Variants in SMG6 observed in about 807,000 individuals in gnomAD.
The protein encoded by SMG6 is SMG6 nonsense mediated mRNA decay factor, also known as telomerase-binding protein EST1A.
In SMG6, 66 loss-of-function variants were observed where a neutral mutation model predicts 142.2. That is an observed-to-expected ratio of 0.46 (90% CI 0.38 to 0.57). SMG6 has a LOEUF of 0.57. Among genes scored for constraint, SMG6 ranks in the 20% least tolerant of loss-of-function variants. The pLI, the probability that SMG6 is intolerant of heterozygous loss-of-function variation, is 0.00. For synonymous variants in SMG6, 779 were observed against 702.4 expected, an observed-to-expected ratio of 1.11 and a Z score of -1.72; for missense variants, 1,793 against 1,832.0, an observed-to-expected ratio of 0.98 and a Z score of 0.39.
chr17:2,184,704 C>A (rs1475126666), intron 12 of SMG6, among the ~76,000 whole-genome samples: 1 of 146,976 alleles, frequency 6.8e-6, no homozygotes, highest in Non-Finnish European at 1.5e-5. Context: ...GGTTCATGCG[C>A]CTGTAATCCC....
At chr17:2,280,123 G>C (rs1023879587) in intron 8 of SMG6, among the ~76,000 whole-genome samples, 1 of 152,100 alleles carries the variant, frequency 6.6e-6, no homozygotes, top group Non-Finnish European at 1.5e-5. Flanking sequence ...CCAAGGAACA[G>C]AGAAAGCAAG....
chr17:2,221,499 T>C lies in SMG6; in HGVS notation c.2869+14993A>G, dbSNP rs147275944. Among the ~76,000 whole-genome samples the C allele has an allele frequency of 1.3e-3, 196 of 152,288 alleles. 1 individual carries two copies. Among genetic ancestry groups the C allele is most frequent in the African/African-American group, 4.3e-3 (179 of 41,558 alleles). Reference sequence around the variant, plus strand: ...CAATTAAACTTCTTTTCTTTATAAATTACCCAGCCTCAGGTATGTCTTTAT... The same window carrying C: ...CAATTAAACTTCTTTTCTTTATAAACTACCCAGCCTCAGGTATGTCTTTAT... On this transcript the variant is annotated intron_variant, in intron 10 of 18. Coordinates refer to ENST00000263073, the MANE Select transcript of SMG6 (RefSeq NM_017575.5).
At chr17:2,098,877 C>T (rs566702707) in intron 13 of SMG6, among the ~76,000 whole-genome samples, 4 of 152,018 alleles carry the variant, frequency 2.6e-5, no homozygotes, top group Admixed American at 6.5e-5. Context: ...GTGATCCACC[C>T]GCCTCAGCCT....
rs142201292 is a variant in SMG6 at position 2,188,505 on chromosome 17, C to T, written c.2880G>A (p.Ser960=). 3.9e-5 allele frequency: 63 copies of T among 1,613,766 alleles called. No homozygotes were observed. In the African/African-American group the frequency reaches 5.5e-4, roughly 14 times the overall value. Residue 960 remains serine, a synonymous_variant, in exon 11 of 19, where the codon TCG becomes TCA. Coordinates refer to ENST00000263073, the MANE Select transcript of SMG6 (RefSeq NM_017575.5). The part of the protein sequence containing the change: ...VHNSQLKDCF[S]EECRSVIQEQ... ...CCTGGATCACAGAGCGGCACTCCTC[C>T]GAGAAGCAGTCTGCGGACAGGCAAA...
At chr17:2,227,148 C>T (rs2073342913) in intron 10 of SMG6, among the ~76,000 whole-genome samples, 1 of 152,200 alleles carries the variant, frequency 6.6e-6, no homozygotes, top group African/African-American at 2.4e-5. Flanking sequence ...GGTCCAACCA[C>T]CACAGAAAAC....
chr17:2,082,095 G>A, intron 14 of SMG6, 139 bp from the exon 15 acceptor site: 2 of 807,670 alleles, frequency 2.5e-6, no homozygotes, highest in East Asian at 5.3e-5. Flanking sequence ...CCTGGTGTGT[G>A]CTTCCCTCTA....
At chr17:2,211,452 C>T (rs1461940503) in intron 10 of SMG6, among the ~76,000 whole-genome samples, 4 of 152,054 alleles carry the variant, frequency 2.6e-5, no homozygotes, top group African/African-American at 9.7e-5. Flanking sequence ...ATCATGAGGT[C>T]AGGGGATCGA....
chr17:2,159,703 C>CA (rs965151830), intron 13 of SMG6, among the ~76,000 whole-genome samples: 5 of 152,044 alleles, frequency 3.3e-5, no homozygotes, highest in South Asian at 2.1e-4. Context: ...TATATGACCA[C>CA]AAAAAAACCT....
At chr17:2,182,068 G>A (rs2071822949) in intron 12 of SMG6, among the ~76,000 whole-genome samples, 1 of 152,202 alleles carries the variant, frequency 6.6e-6, no homozygotes, top group African/African-American at 2.4e-5. Flanking sequence ...TCCAAGGACA[G>A]ATGGTCTGCC....
chr17:2,126,743 A>C (rs2151533251), intron 13 of SMG6, among the ~76,000 whole-genome samples: 1 of 149,304 alleles, frequency 6.7e-6, no homozygotes, highest in South Asian at 2.1e-4. Flanking sequence ...AGCAAACTGG[A>C]CTTTATCAAA....
At chr17:2,278,141 A>G (rs1041687245) in intron 8 of SMG6, among the ~76,000 whole-genome samples, 3 of 152,212 alleles carry the variant, frequency 2.0e-5, no homozygotes, top group Non-Finnish European at 4.4e-5. Flanking sequence ...CTGGAAGGAC[A>G]TCAATCAGTT....
intron 4 of SMG6, among the ~76,000 whole-genome samples, chr17:2,295,332 G>C (rs1597228748): frequency 6.6e-6 from 1 of 152,144 alleles, no homozygotes; most frequent in South Asian, 2.1e-4. Context: ...ACAAAAACTG[G>C]CCAGGCGTGG....
At chr17:2,093,047 T>C (rs1448346470) in intron 13 of SMG6, among the ~76,000 whole-genome samples, 1 of 151,808 alleles carries the variant, frequency 6.6e-6, no homozygotes, top group African/African-American at 2.4e-5. Flanking sequence ...ATACAAAAAT[T>C]AGCTGGGTTA....
At chr17:2,227,761 A>G (rs1369114451) in intron 10 of SMG6, among the ~76,000 whole-genome samples, 1 of 152,260 alleles carries the variant, frequency 6.6e-6, no homozygotes, top group Non-Finnish European at 1.5e-5. Flanking sequence ...TCATTTTAAA[A>G]TATAGGATGA....
At chr17:2,128,785 C>T (rs573342238) in intron 13 of SMG6, among the ~76,000 whole-genome samples, 2 of 133,538 alleles carry the variant, frequency 1.5e-5, no homozygotes, top group Non-Finnish European at 1.5e-5. Context: ...GATCGCGCCA[C>T]GGCACTCTAG....
At chr17:2,123,194 G>A (rs966548278) in intron 13 of SMG6, among the ~76,000 whole-genome samples, 72 of 152,220 alleles carry the variant, frequency 4.7e-4, no homozygotes, top group African/African-American at 1.7e-3. Flanking sequence ...TGGGTGGGAG[G>A]CTTGTCACTG....
chr17:2,211,800 A>G (rs1189043719), intron 10 of SMG6, among the ~76,000 whole-genome samples: 1 of 152,138 alleles, frequency 6.6e-6, no homozygotes, highest in Admixed American at 6.6e-5. Context: ...GCTATGCCAT[A>G]TTCTTCACTG....
At chr17:2,213,464 G>C (rs927472325) in intron 10 of SMG6, among the ~76,000 whole-genome samples, 1 of 152,138 alleles carries the variant, frequency 6.6e-6, no homozygotes, top group Non-Finnish European at 1.5e-5. Context: ...AATGCAGGGC[G>C]GGCAGACGTT....
At chr17:2,105,612 C>T (rs1265848785) in intron 13 of SMG6, among the ~76,000 whole-genome samples, 1 of 152,156 alleles carries the variant, frequency 6.6e-6, no homozygotes, top group Non-Finnish European at 1.5e-5. Context: ...GCCCTCAGGA[C>T]AGAAGAAACA....
Sources: allele counts gnomAD v4.1 joint callset (sites outside exome capture counted in the v4.1 genomes callset), GRCh38; gene constraint gnomAD v4.1.1; transcripts MANE v1.5; gene names NCBI Gene and HGNC (gene_info 2026-07-23, HGNC 2026-07-21).